LRBA: variants seen among roughly 807,000 people sequenced by gnomAD.
LRBA encodes the protein lipopolysaccharide-responsive and beige-like anchor protein.
A neutral mutation model predicts 330.0 loss-of-function variants in LRBA; 176 were observed. That is an observed-to-expected ratio of 0.53 (90% CI 0.47 to 0.60). The LOEUF (loss-of-function observed/expected upper bound fraction) is 0.60. Among genes scored for constraint, LRBA ranks in the 20% least tolerant of loss-of-function variants. LRBA has a pLI of 0.00. For missense variants in LRBA, 3,259 were observed against 3,444.8 expected, an observed-to-expected ratio of 0.95 and a Z score of 1.35; for synonymous variants, 1,230 against 1,193.0, an observed-to-expected ratio of 1.03 and a Z score of -0.64.
chr4:150,954,077 T>G (rs1737230597), intron 2 of LRBA, among the ~76,000 whole-genome samples: 1 of 147,878 alleles, frequency 6.8e-6, no homozygotes, highest in South Asian at 2.2e-4. Context: ...GAGAAGCCCC[T>G]CCACCCAGCA....
chr4:150,404,185 A>G (rs1241638667), intron 47 of LRBA, among the ~76,000 whole-genome samples: 1 of 152,180 alleles, frequency 6.6e-6, no homozygotes, highest in Non-Finnish European at 1.5e-5. Context: ...GGTCTTTGCA[A>G]TTTAGTTATG....
At chr4:150,729,386 T>A (rs1192579472) in intron 36 of LRBA, among the ~76,000 whole-genome samples, 1 of 151,976 alleles carries the variant, frequency 6.6e-6, no homozygotes. Flanking sequence ...AAAAAAGTAA[T>A]CCCATTTACA....
chr4:150,804,329 G>A (rs970244565), intron 33 of LRBA, among the ~76,000 whole-genome samples: 1 of 151,790 alleles, frequency 6.6e-6, no homozygotes, highest in Non-Finnish European at 1.5e-5. Flanking sequence ...AAATAATATC[G>A]CTCATCACCA....
intron 44 of LRBA, among the ~76,000 whole-genome samples, chr4:150,446,426 C>A (rs1752622039): frequency 1.3e-5 from 2 of 152,206 alleles, no homozygotes; most frequent in South Asian, 2.1e-4. Context: ...TAATAATTCT[C>A]ATGACTTAAG....
intron 36 of LRBA, among the ~76,000 whole-genome samples, chr4:150,720,452 AC>A (rs1728787365): frequency 6.6e-6 from 1 of 152,128 alleles, no homozygotes; most frequent in Non-Finnish European, 1.5e-5. Flanking sequence ...AAAATTAGGA[AC>A]AAAACATAAG....
At chr4:150,654,343 T>C (rs1023737322) in intron 37 of LRBA, among the ~76,000 whole-genome samples, 2 of 152,056 alleles carry the variant, frequency 1.3e-5, no homozygotes, top group African/African-American at 2.4e-5. Context: ...CCTGCCACCA[T>C]GCCTGGCTAA....
At chr4:150,475,325 A>G (rs749195751) in intron 42 of LRBA, among the ~76,000 whole-genome samples, 11 of 152,128 alleles carry the variant, frequency 7.2e-5, no homozygotes, top group African/African-American at 2.4e-4. Flanking sequence ...CCTCCCTCCT[A>G]TCTTCTGGAT....
chr4:150,878,559 G>C (rs181408679), intron 17 of LRBA, among the ~76,000 whole-genome samples: 2 of 151,270 alleles, frequency 1.3e-5, no homozygotes, highest in Admixed American at 1.3e-4. Context: ...AAAACGAAAA[G>C]CTGGTTATTT....
At chr4:150,991,018 A>G (rs1310112121) in intron 2 of LRBA, among the ~76,000 whole-genome samples, 3 of 150,024 alleles carry the variant, frequency 2.0e-5, no homozygotes, top group Non-Finnish European at 3.0e-5. Context: ...GTGCCACAGC[A>G]TTCCAACCTG....
chr4:150,382,416 G>C (rs1742405394), intron 47 of LRBA, among the ~76,000 whole-genome samples: 1 of 152,058 alleles, frequency 6.6e-6, no homozygotes, highest in Non-Finnish European at 1.5e-5. Context: ...TTGAGGCTGT[G>C]AGTTCAAGAC....
intron 50 of LRBA, among the ~76,000 whole-genome samples, chr4:150,319,359 G>T (rs1672972873): frequency 6.6e-6 from 1 of 152,078 alleles, no homozygotes; most frequent in South Asian, 2.1e-4. Flanking sequence ...ATCATTGGTG[G>T]TCCTGAAGTC....
intron 48 of LRBA, among the ~76,000 whole-genome samples, chr4:150,348,651 T>C (rs1326218270): frequency 2.0e-5 from 3 of 152,244 alleles, no homozygotes; most frequent in Middle Eastern, 3.4e-3. Flanking sequence ...TATGTAGAGA[T>C]ATGGATAATT....
At chr4:150,397,122 T>A (rs1338165295) in intron 47 of LRBA, among the ~76,000 whole-genome samples, 1 of 152,170 alleles carries the variant, frequency 6.6e-6, no homozygotes, top group Non-Finnish European at 1.5e-5. Context: ...CATAAACACA[T>A]CTTATATACT....
chr4:150,629,318 C>T (rs1777149922), intron 37 of LRBA, among the ~76,000 whole-genome samples: 1 of 152,188 alleles, frequency 6.6e-6, no homozygotes, highest in Non-Finnish European at 1.5e-5. Context: ...ACTACAACGG[C>T]CCACCAATTA....
intron 44 of LRBA, among the ~76,000 whole-genome samples, chr4:150,445,042 C>T (rs1752411362): frequency 6.6e-6 from 1 of 152,026 alleles, no homozygotes; most frequent in Non-Finnish European, 1.5e-5. Context: ...AGGATAATTA[C>T]TAAAAATGTT....
chr4:150,688,380 G>T (rs1180379649), intron 36 of LRBA, among the ~76,000 whole-genome samples: 1 of 152,142 alleles, frequency 6.6e-6, no homozygotes, highest in East Asian at 1.9e-4. Context: ...ATGCCATTCA[G>T]GACATAGGCA....
chr4:150,708,235 C>T (rs1381008244), intron 36 of LRBA, among the ~76,000 whole-genome samples: 2 of 151,844 alleles, frequency 1.3e-5, no homozygotes, highest in Non-Finnish European at 3.0e-5. Context: ...CAATAACTTA[C>T]TCTCCAGAGC....
chr4:150,934,493 A>G (rs1734861085), intron 2 of LRBA, among the ~76,000 whole-genome samples: 1 of 152,234 alleles, frequency 6.6e-6, no homozygotes, highest in African/African-American at 2.4e-5. Context: ...AAATAGTGGA[A>G]CAGTGATCAA....
intron 36 of LRBA, among the ~76,000 whole-genome samples, chr4:150,702,877 C>T (rs1171844833): frequency 1.3e-5 from 2 of 152,012 alleles, no homozygotes; most frequent in East Asian, 1.9e-4. Flanking sequence ...ATTTAAATTC[C>T]GGCCGGGCAT....
Sources: gnomAD v4.1 joint callset for allele counts (sites outside exome capture counted in the v4.1 genomes callset) on GRCh38, gnomAD v4.1.1 for gene constraint, MANE v1.5 for transcripts, NCBI Gene and HGNC (gene_info 2026-07-23, HGNC 2026-07-21) for gene names.